DIP2A: variants seen among roughly 807,000 people sequenced by gnomAD.
DIP2A encodes DIP2 acetate--CoA ligase A, also known as disco-interacting protein 2 homolog A.
A neutral mutation model predicts 177.4 loss-of-function variants in DIP2A; 85 were observed. The observed-to-expected ratio is 0.48, with a 90% CI of 0.40 to 0.57. The LOEUF is 0.57. DIP2A is among the 20% of genes least tolerant of loss of function. The probability of loss-of-function intolerance (pLI) is 0.00; values close to 1 mark genes in which losing one functional copy is unlikely to be tolerated. For synonymous variants in DIP2A, 886 were observed against 881.8 expected (o/e 1.00, Z -0.08); for missense variants, 1,791 against 2,100.2 (o/e 0.85, Z 2.88).
At chr21:46,574,456 T>C (rs1456193320), downstream of DIP2A, among the ~76,000 whole-genome samples, 1 of 151,984 alleles carries the variant, frequency 6.6e-6, no homozygotes, top group Non-Finnish European at 1.5e-5. Flanking sequence ...AACCCAAAGT[T>C]AGCAGAAGTA....
At chr21:46,554,514 A>T in intron 26 of DIP2A, 61 bp from the exon 27 acceptor site, 5 of 1,592,394 alleles carry the variant, frequency 3.1e-6, no homozygotes, top group Non-Finnish European at 4.3e-6. Context: ...GGAACAGTGA[A>T]CAGAGGCTGG....
At chr21:46,582,297 CA>C in the DIP2A span, among the ~76,000 whole-genome samples, 2 of 152,150 alleles carry the variant, frequency 1.3e-5, no homozygotes, top group African/African-American at 2.4e-5. Flanking sequence ...CCCGCACCAG[CA>C]GAGGAAAACG....
chr21:46,528,052 GA>G (rs1461401501), intron 8 of DIP2A, among the ~76,000 whole-genome samples: 3 of 152,108 alleles, frequency 2.0e-5, no homozygotes, highest in Non-Finnish European at 4.4e-5. Context: ...GACCTCAGGG[GA>G]TAAGAGCTGG....
At chr21:46,496,928 ATT>A in intron 3 of DIP2A, 58 bp from the exon 4 acceptor site, 1 of 1,488,748 alleles carries the variant, frequency 6.7e-7, no homozygotes, top group Non-Finnish European at 8.9e-7. Context: ...ATGAAACTTA[ATT>A]TGTTACTTTA....
chr21:46,542,096 T>C (rs1054835320), intron 18 of DIP2A, among the ~76,000 whole-genome samples: 2 of 152,204 alleles, frequency 1.3e-5, no homozygotes, highest in African/African-American at 4.8e-5. Flanking sequence ...GGCTTCATAG[T>C]AGTGCTCTAG....
At chr21:46,491,013 T>G (rs1409073505) in intron 3 of DIP2A, among the ~76,000 whole-genome samples, 3 of 152,240 alleles carry the variant, frequency 2.0e-5, no homozygotes, top group African/African-American at 7.2e-5. Flanking sequence ...TCTTTAAAAC[T>G]TTTGTACACT....
chr21:46,529,178 G>A lies in DIP2A; in HGVS notation c.1189G>A (p.Asp397Asn). ...SKNEPLLKPG[D>N]RVALVFPNSD... ...GAATGAACCTCTACTTAAACCTGGA[G>A]ACAGAGTAAGTAACTAGAATGTCAC... Residue 397 changes from aspartate to asparagine, a missense_variant, in exon 9 of 38, where the codon GAC (aspartate) becomes AAC (asparagine). Coordinates refer to ENST00000417564, the MANE Select transcript of DIP2A (RefSeq NM_015151.4). 6.6e-7 allele frequency: 1 copy of A among 1,511,610 alleles called. No individual in the cohort carries two copies. The highest frequency in any genetic ancestry group is 8.9e-7 in the Non-Finnish European group (1 of 1,120,124). The allele number at this position is 1,511,610 out of a possible 1,614,324, so 93.6% of individuals were successfully genotyped here.
intron 3 of DIP2A, among the ~76,000 whole-genome samples, chr21:46,494,464 T>A (rs909318611): frequency 3.3e-5 from 5 of 152,244 alleles, no homozygotes; most frequent in African/African-American, 1.2e-4. Flanking sequence ...TGAAAACCAG[T>A]GATTTTTCTC....
chr21:46,542,845 T>C (rs1052857574), intron 18 of DIP2A, among the ~76,000 whole-genome samples: 1 of 152,232 alleles, frequency 6.6e-6, no homozygotes, highest in Non-Finnish European at 1.5e-5. Context: ...TGCGAGAGGC[T>C]CAGCGTCCTG....
intron 21 of DIP2A, 76 bp from the exon 22 acceptor site, chr21:46,549,695 C>T: frequency 1.9e-6 from 3 of 1,581,708 alleles, no homozygotes; most frequent in Non-Finnish European, 2.6e-6. Context: ...CTGCCTCTTC[C>T]ATCGTGAGGG....
Position 46,520,125 on chromosome 21 carries a change from C to T in DIP2A, c.1102+8511C>T, listed in dbSNP as rs990764742. 2.4e-4 allele frequency among the ~76,000 whole-genome samples: 37 copies of T among 152,006 alleles called. 1 individual carries two copies. Among genetic ancestry groups the T allele is most frequent in the African/African-American group, 7.2e-5 (3 of 41,382 alleles). On this transcript the variant is annotated intron_variant, in intron 8 of 37. Coordinates refer to ENST00000417564, the MANE Select transcript of DIP2A (RefSeq NM_015151.4). ...TCCTGACCTTGTGATACACCCATCT[C>T]GGCCTCCTCAAGTGCTGGGATTACA...
At chr21:46,484,567 TGTATCA>T (rs1164083417) in intron 1 of DIP2A, among the ~76,000 whole-genome samples, 184 bp from the exon 2 acceptor site, 1 of 152,248 alleles carries the variant, frequency 6.6e-6, no homozygotes, top group African/African-American at 2.4e-5. Flanking sequence ...AATTGCTGTG[TGTATCA>T]GTAGTTTGTT....
chr21:46,542,279 T>C (rs2059850567), intron 18 of DIP2A, among the ~76,000 whole-genome samples: 1 of 152,234 alleles, frequency 6.6e-6, no homozygotes, highest in Non-Finnish European at 1.5e-5. Context: ...TTCTTTGATA[T>C]TTGGGAAGAC....
the DIP2A span, among the ~76,000 whole-genome samples, chr21:46,578,216 G>C: frequency 6.6e-6 from 1 of 152,194 alleles, no homozygotes; most frequent in African/African-American, 2.4e-5. Flanking sequence ...GGAGGCTGAG[G>C]CAGGAGAATT....
At chr21:46,461,230 C>T (rs1190502727) in intron 1 of DIP2A, among the ~76,000 whole-genome samples, 2 of 128,328 alleles carry the variant, frequency 1.6e-5, no homozygotes, top group African/African-American at 5.8e-5. Flanking sequence ...CACTGGAGCA[C>T]TCCAGCCTGG....
chr21:46,558,407 G>GT lies in DIP2A; in HGVS notation c.3969+14_3969+15insT, dbSNP rs748706709. On this transcript the variant is annotated intron_variant, in intron 32 of 37. Coordinates refer to ENST00000417564, the MANE Select transcript of DIP2A (RefSeq NM_015151.4). ...ATCTGCCTCCAGGTGAGGTGCCTGG[G>GT]GCTGCGGTTCTCGAAAGCTGGCTGT... 3 of 1,424,766 alleles carry GT rather than the reference G, an allele frequency of 2.1e-6. No homozygotes were observed. The highest frequency in any genetic ancestry group is 2.7e-6 in the Non-Finnish European group (3 of 1,095,536). The allele number at this position is 1,424,766 out of a possible 1,614,324, so 88.3% of individuals were successfully genotyped here. A position where few individuals can be genotyped will look rare whatever the true frequency, so the allele number is the denominator to read the frequency against.
chr21:46,570,980 T>C (rs1427633424), downstream of DIP2A, among the ~76,000 whole-genome samples: 1 of 152,112 alleles, frequency 6.6e-6, no homozygotes, highest in Admixed American at 6.6e-5. Context: ...ACTTGCTACA[T>C]ACAAAGGATC....
chr21:46,489,098 CGTG>C (rs1020191287), intron 2 of DIP2A, among the ~76,000 whole-genome samples: 4 of 152,020 alleles, frequency 2.6e-5, no homozygotes, highest in Admixed American at 6.5e-5. Context: ...CACAAACACA[CGTG>C]TGTGTGTGGG....
chr21:46,473,236 A>G (rs916580860), intron 1 of DIP2A, among the ~76,000 whole-genome samples: 1 of 152,094 alleles, frequency 6.6e-6, no homozygotes, highest in Admixed American at 6.5e-5. Flanking sequence ...TCCTATTTTT[A>G]ATTAAAGGCT....
Sources: allele counts gnomAD v4.1 joint callset (sites outside exome capture counted in the v4.1 genomes callset), GRCh38; gene constraint gnomAD v4.1.1; transcripts MANE v1.5; gene names NCBI Gene and HGNC (gene_info 2026-07-23, HGNC 2026-07-21).